Variants in USP30 observed in about 807,000 individuals in gnomAD.
The protein encoded by USP30 is ubiquitin specific peptidase 30.
A neutral mutation model predicts 68.2 loss-of-function variants in USP30; 41 were observed. The observed-to-expected ratio is 0.60, with a 90% CI of 0.47 to 0.78. The LOEUF is 0.78. Among genes scored for constraint, USP30 ranks in the 30% least tolerant of loss-of-function variants. USP30 has a pLI of 0.00. For missense variants in USP30, 522 were observed against 649.4 expected, an observed-to-expected ratio of 0.80 and a Z score of 2.13; for synonymous variants, 229 against 253.7, an observed-to-expected ratio of 0.90 and a Z score of 0.93.
At chr12:109,045,140 G>A (rs1689437091) in intron 3 of USP30, among the ~76,000 whole-genome samples, 1 of 151,926 alleles carries the variant, frequency 6.6e-6, no homozygotes. Flanking sequence ...TACCATGCCT[G>A]GCTAATTTTT....
chr12:109,081,703 G>A, intron 8 of USP30: 2 of 604,520 alleles, frequency 3.3e-6, no homozygotes, highest in South Asian at 4.0e-5. Context: ...AAACAGCGTG[G>A]AAGTCCACAA....
At chr12:109,031,624 T>A (rs565297564) in intron 3 of USP30, among the ~76,000 whole-genome samples, 2 of 152,348 alleles carry the variant, frequency 1.3e-5, no homozygotes, top group South Asian at 4.1e-4. Context: ...GATGAATGGA[T>A]AAACAAAATG....
At position 109,086,995 on chromosome 12, in the gene USP30, C is replaced by G. The variant is rs1264434435; in HGVS notation, c.*1064C>G. ...CCTTTTCACGAAAAGGAGAAAGCAG[C>G]TTTTGACTTTTTAAAAAACATATAA... is the stretch of plus-strand genomic sequence containing the variant. On this transcript the variant is annotated 3_prime_UTR_variant, in exon 13 of 13. Transcript: ENST00000257548. The G allele has an allele frequency of 1.3e-5, 2 of 151,950 alleles. No homozygotes were observed. The highest frequency in any genetic ancestry group is 1.9e-4 in the East Asian group (1 of 5,198). 9.4% of individuals were successfully genotyped at this position (151,950 alleles called of 1,614,324 possible). A position where few individuals can be genotyped will look rare whatever the true frequency, so the allele number is the denominator to read the frequency against.
chr12:109,080,149 T>C (rs2041752603), intron 7 of USP30, among the ~76,000 whole-genome samples: 1 of 152,172 alleles, frequency 6.6e-6, no homozygotes, highest in Non-Finnish European at 1.5e-5. Context: ...AGCCCTGGAA[T>C]TGAACAGAGT....
intron 3 of USP30, among the ~76,000 whole-genome samples, chr12:109,027,809 G>GT (rs1298184620): frequency 6.6e-6 from 1 of 152,156 alleles, no homozygotes; most frequent in Non-Finnish European, 1.5e-5. Context: ...GGACACGTGG[G>GT]TTGTTTCCAC....
upstream of USP30, among the ~76,000 whole-genome samples, chr12:109,048,366 G>A (rs1053878556): frequency 2.6e-5 from 4 of 151,790 alleles, no homozygotes; most frequent in African/African-American, 9.7e-5. Context: ...GATTATAGGT[G>A]TGAGCCATCG....
intron 1 of USP30, 159 bp downstream of exon 1, chr12:109,052,920 G>C (rs926428140): frequency 1.0e-4 from 69 of 663,010 alleles, no homozygotes; most frequent in Middle Eastern, 4.2e-4. Context: ...GGGCCCGTAG[G>C]TGGGAGGACT....
Position 109,083,060 on chromosome 12 carries a change from C to T in USP30, c.1166C>T (p.Pro389Leu). Residue 389 changes from proline (P) to leucine (L), a missense_variant and splice_region_variant, in exon 11 of 13, where the codon CCA becomes CTA. By Grantham distance (98) the Pro-to-Leu change is moderately conservative. Coordinates refer to ENST00000257548, the MANE Select transcript of USP30 (RefSeq NM_032663.5). ...ELQDGPGAPT[P>L]VLNQPGAPKT... is the part of the protein sequence containing the mutation. Reference sequence around the variant, plus strand: ...CAGGATGGGCCGGGAGCCCCCACACCAGGTGTGTGCGCGCGAGGAGCCGAT... The same window carrying T: ...CAGGATGGGCCGGGAGCCCCCACACTAGGTGTGTGCGCGCGAGGAGCCGAT... The T allele has an allele frequency of 1.3e-6, 2 of 1,599,802 alleles. No homozygotes were observed. Among genetic ancestry groups the T allele is most frequent in the Non-Finnish European group, 1.7e-6 (2 of 1,173,344 alleles).
intron 3 of USP30, among the ~76,000 whole-genome samples, chr12:109,058,461 A>G (rs968067755): frequency 6.6e-5 from 10 of 152,034 alleles, no homozygotes; most frequent in African/African-American, 2.4e-4. Context: ...AATCCCAGCT[A>G]CTCAGGAGGC....
intron 3 of USP30, among the ~76,000 whole-genome samples, chr12:109,065,199 T>C (rs180675573): frequency 1.2e-3 from 178 of 152,280 alleles, no homozygotes; most frequent in African/African-American, 4.1e-3. Flanking sequence ...TTCCAGAAAC[T>C]GCACTGAGAG....
At chr12:109,028,514 G>C (rs1328818845) in intron 3 of USP30, among the ~76,000 whole-genome samples, 4 of 151,560 alleles carry the variant, frequency 2.6e-5, no homozygotes, top group African/African-American at 9.7e-5. Flanking sequence ...TTTCCCTCTT[G>C]TCGCCCAGAC....
chr12:109,072,373 T>C (rs2041472923), intron 6 of USP30, 23 bp downstream of exon 6: 1 of 1,608,348 alleles, frequency 6.2e-7, no homozygotes, highest in South Asian at 1.1e-5. Flanking sequence ...CATTGAAATA[T>C]AACACATAAG....
In USP30 at chr12:109,052,666, C is replaced by A; in HGVS notation, c.-13C>A. The A allele has an allele frequency of 6.7e-7, 1 of 1,500,746 alleles. No homozygotes were observed. The highest frequency in any genetic ancestry group is 2.7e-5 in the East Asian group (1 of 36,640). 93.0% of individuals were successfully genotyped at this position (1,500,746 alleles called of 1,614,324 possible). A position where few individuals can be genotyped will look rare whatever the true frequency, so the allele number is the denominator to read the frequency against. On this transcript the variant is annotated 5_prime_UTR_variant, in exon 1 of 13. Coordinates refer to ENST00000257548, the MANE Select transcript of USP30 (RefSeq NM_032663.5). The stretch of plus-strand genomic sequence containing the variant: ...AGCGGAGGAGACGGTTTCAGGCCTC[C>A]GGTGCGGCTGCAATGCTGAGCTCCC...
In USP30 at chr12:109,087,953, G is replaced by A. The variant is rs564722498; in HGVS notation, c.*2022G>A. 4.4e-5 allele frequency: 12 copies of A among 274,416 alleles called. No individual in the cohort carries two copies. The highest frequency in any genetic ancestry group is 6.7e-5 in the Non-Finnish European group (10 of 148,442). The allele number at this position is 274,416 out of a possible 1,614,324, so 17.0% of individuals were successfully genotyped here. A position where few individuals can be genotyped will look rare whatever the true frequency, so the allele number is the denominator to read the frequency against. ...TTTGCCATAATAACTGCTGATTTAT[G>A]TATTTGCTAAAGGTACTTTTGTATC... is the stretch of plus-strand genomic sequence containing the variant. On this transcript the variant is annotated 3_prime_UTR_variant, in exon 13 of 13. Coordinates refer to ENST00000257548, the MANE Select transcript of USP30 (RefSeq NM_032663.5).
intron 3 of USP30, among the ~76,000 whole-genome samples, chr12:109,037,705 G>T (rs2040531742): frequency 1.3e-5 from 2 of 152,194 alleles, no homozygotes; most frequent in South Asian, 4.1e-4. Context: ...TAATTGGATA[G>T]AGATTTCCTT....
chr12:109,039,288 T>C (rs2040545430), intron 3 of USP30, among the ~76,000 whole-genome samples: 1 of 152,218 alleles, frequency 6.6e-6, no homozygotes, highest in African/African-American at 2.4e-5. Context: ...TACATTCTTT[T>C]ACAATAGTGT....
At chr12:109,053,872 G>C (rs2040754296) in intron 1 of USP30, 1 of 368,934 alleles carries the variant, frequency 2.7e-6, no homozygotes, top group Non-Finnish European at 5.4e-6. Context: ...CTTCCCTTCA[G>C]TTTCCATCTT....
rs1186862287 is a variant in USP30, at chr12:109,068,558, G to A, written c.480+931G>A. On this transcript the variant is annotated intron_variant, in intron 4 of 12. Coordinates refer to ENST00000257548, the MANE Select transcript of USP30 (RefSeq NM_032663.5). Reference sequence around the variant, plus strand: ...AGTTAATCCAATTGTATGTTGCAACGTTTTTCTATTTAGAAAATACTTTTA... The same window carrying A: ...AGTTAATCCAATTGTATGTTGCAACATTTTTCTATTTAGAAAATACTTTTA... Among the ~76,000 whole-genome samples the A allele has an allele frequency of 3.9e-5, 6 of 152,228 alleles. No homozygotes were observed. In the East Asian group the frequency reaches 9.6e-4, roughly 24 times the overall value.
At chr12:109,027,898 A>G (rs1325899920) in intron 3 of USP30, among the ~76,000 whole-genome samples, 1 of 152,128 alleles carries the variant, frequency 6.6e-6, no homozygotes, top group Non-Finnish European at 1.5e-5. Context: ...TTCAATTCTT[A>G]TGAGTATATA....
Sources: gnomAD v4.1 joint callset for allele counts (sites outside exome capture counted in the v4.1 genomes callset) on GRCh38, gnomAD v4.1.1 for gene constraint, MANE v1.5 for transcripts, NCBI Gene and HGNC (gene_info 2026-07-23, HGNC 2026-07-21) for gene names.